The following PCCA variants were observed in gnomAD, a reference collection of about 807,000 sequenced individuals.
PCCA encodes the protein propionyl-CoA carboxylase subunit alpha.
A neutral mutation model predicts 101.3 loss-of-function variants in PCCA; 74 were observed. That is an observed-to-expected ratio of 0.73 (90% CI 0.61 to 0.89). PCCA has a LOEUF of 0.89. PCCA is among the 40% of genes least tolerant of loss of function. The pLI is 0.00. For missense variants in PCCA, 891 were observed against 907.0 expected (o/e 0.98, Z 0.23); for synonymous variants, 294 against 313.6 (o/e 0.94, Z 0.66).
intron 1 of PCCA, among the ~76,000 whole-genome samples, chr13:100,099,500 G>A (rs1016030194): frequency 2.6e-5 from 4 of 151,660 alleles, no homozygotes; most frequent in East Asian, 1.9e-4. Flanking sequence ...TGTATTTTTC[G>A]TAGAGACAGG....
chr13:100,227,658 C>T (rs1317584535), intron 7 of PCCA, among the ~76,000 whole-genome samples: 1 of 152,138 alleles, frequency 6.6e-6, no homozygotes, highest in Admixed American at 6.6e-5. Flanking sequence ...AACTCTTTCC[C>T]CATCGGTGCT....
chr13:100,205,387 T>C (rs2058790662), intron 6 of PCCA, among the ~76,000 whole-genome samples: 1 of 152,180 alleles, frequency 6.6e-6, no homozygotes, highest in Non-Finnish European at 1.5e-5. Context: ...CTTTAATTAC[T>C]TTTAAAGGCC....
At chr13:100,095,146 C>T (rs1004266035) in intron 1 of PCCA, among the ~76,000 whole-genome samples, 2 of 152,292 alleles carry the variant, frequency 1.3e-5, no homozygotes, top group East Asian at 1.9e-4. Context: ...CCTCTGTCTT[C>T]ACATGGCTGC....
intron 16 of PCCA, among the ~76,000 whole-genome samples, chr13:100,312,142 G>A (rs1364247687): frequency 6.6e-6 from 1 of 152,202 alleles, no homozygotes; most frequent in East Asian, 1.9e-4. Context: ...GAGTGAGCAA[G>A]TGATACTATC....
At chr13:100,317,405 A>G (rs2067485613) in intron 16 of PCCA, among the ~76,000 whole-genome samples, 1 of 152,136 alleles carries the variant, frequency 6.6e-6, no homozygotes, top group Non-Finnish European at 1.5e-5. Flanking sequence ...GATGTATACC[A>G]TCGAATCTGC....
chr13:100,509,022 C>A (rs1330075942), intron 21 of PCCA, among the ~76,000 whole-genome samples: 1 of 151,960 alleles, frequency 6.6e-6, no homozygotes, highest in Non-Finnish European at 1.5e-5. Flanking sequence ...CAGCTGTGGC[C>A]CCCAAAAAAG....
At chr13:100,398,426 G>A (rs1454957093) in intron 19 of PCCA, among the ~76,000 whole-genome samples, 4 of 152,056 alleles carry the variant, frequency 2.6e-5, no homozygotes, top group Non-Finnish European at 1.5e-5. Context: ...AAAAATATAC[G>A]CACTTGCTAG....
At chr13:100,472,035 T>C (rs2083056537) in intron 21 of PCCA, among the ~76,000 whole-genome samples, 1 of 152,174 alleles carries the variant, frequency 6.6e-6, no homozygotes, top group Admixed American at 6.5e-5. Flanking sequence ...GGAAGGGTCT[T>C]GAAAGCAGAT....
At chr13:100,387,538 G>A (rs1437570826) in intron 19 of PCCA, among the ~76,000 whole-genome samples, 9 of 152,128 alleles carry the variant, frequency 5.9e-5, no homozygotes, top group Non-Finnish European at 1.3e-4. Context: ...GTAACCTGAT[G>A]TACCAATGTG....
At chr13:100,122,981 C>T (rs764298108) in intron 4 of PCCA, among the ~76,000 whole-genome samples, 1 of 152,138 alleles carries the variant, frequency 6.6e-6, no homozygotes, top group Non-Finnish European at 1.5e-5. Context: ...TACAGTTAGT[C>T]AAGAGCTATA....
At chr13:100,477,344 T>A (rs1406872842) in intron 21 of PCCA, 1 of 152,212 alleles carries the variant, frequency 6.6e-6, no homozygotes, top group Non-Finnish European at 1.5e-5. Flanking sequence ...GGAGACAGGA[T>A]CCTGGGAACT....
chr13:100,350,324 T>C (rs115443845), intron 18 of PCCA, among the ~76,000 whole-genome samples: 1 of 135,214 alleles, frequency 7.4e-6, no homozygotes, highest in African/African-American at 2.8e-5. Flanking sequence ...GAAGGTGACG[T>C]GATACCTAAC....
intron 8 of PCCA, among the ~76,000 whole-genome samples, chr13:100,244,335 C>T (rs1004414173): frequency 5.9e-5 from 9 of 152,066 alleles, no homozygotes; most frequent in Admixed American, 6.5e-5. Context: ...TTTTTTTCTT[C>T]TTTCTTTTCC....
chr13:100,247,657 G>A (rs2061521825), intron 8 of PCCA, among the ~76,000 whole-genome samples: 1 of 151,772 alleles, frequency 6.6e-6, no homozygotes, highest in Non-Finnish European at 1.5e-5. Flanking sequence ...GTGACTACAG[G>A]TGCCTGCCAC....
chr13:100,246,482 G>A (rs969141101), intron 8 of PCCA, among the ~76,000 whole-genome samples: 1 of 151,684 alleles, frequency 6.6e-6, no homozygotes, highest in African/African-American at 2.4e-5. Context: ...GCTAATTTTT[G>A]TTGTTGTTGT....
chr13:100,275,372 T>C (rs1364602706), intron 12 of PCCA, among the ~76,000 whole-genome samples: 1 of 152,140 alleles, frequency 6.6e-6, no homozygotes, highest in Non-Finnish European at 1.5e-5. Flanking sequence ...AGTTCAGTAG[T>C]GGCCCTGCTG....
intron 21 of PCCA, among the ~76,000 whole-genome samples, chr13:100,511,119 A>G (rs1426012407): frequency 3.9e-5 from 6 of 152,238 alleles, no homozygotes; most frequent in Non-Finnish European, 8.8e-5. Flanking sequence ...TGTACCCTAC[A>G]AAGAATTTAG....
chr13:100,110,846 C>CA (rs1015603234), intron 2 of PCCA, among the ~76,000 whole-genome samples: 8 of 152,058 alleles, frequency 5.3e-5, no homozygotes, highest in Non-Finnish European at 1.0e-4. Context: ...CTTGCTCTGT[C>CA]ACCCAGGCTG....
intron 21 of PCCA, among the ~76,000 whole-genome samples, chr13:100,477,109 A>G (rs926404854): frequency 6.6e-6 from 1 of 152,198 alleles, no homozygotes; most frequent in African/African-American, 2.4e-5. Context: ...TCAAGTGCAT[A>G]CTAATTTACT....
Sources: gnomAD v4.1 joint callset for allele counts (sites outside exome capture counted in the v4.1 genomes callset) on GRCh38, gnomAD v4.1.1 for gene constraint, MANE v1.5 for transcripts, NCBI Gene and HGNC (gene_info 2026-07-23, HGNC 2026-07-21) for gene names.